The following MCC variants were observed in gnomAD, a reference collection of about 807,000 sequenced individuals.
MCC encodes MCC regulator of Wnt signaling pathway.
MCC carries 90 observed loss-of-function variants against 116.2 expected under a neutral mutation model. The ratio of observed to expected loss-of-function variants is 0.77; its 90% CI spans 0.65 to 0.92. The LOEUF is 0.92. Among genes scored for constraint, MCC ranks in the 40% least tolerant of loss-of-function variants. MCC has a pLI of 0.00. For synonymous variants in MCC, 578 were observed against 510.5 expected (o/e 1.13, Z -1.78); for missense variants, 1,516 against 1,312.2 (o/e 1.16, Z -2.40).
At chr5:113,134,529 C>G (rs1758672460) in intron 5 of MCC, among the ~76,000 whole-genome samples, 1 of 114,112 alleles carries the variant, frequency 8.8e-6, no homozygotes, top group Non-Finnish European at 1.9e-5. Context: ...GTTCTTTTTG[C>G]TCAGGATTGG....
At chr5:113,257,013 G>C (rs10519344) in intron 3 of MCC, among the ~76,000 whole-genome samples, 11,554 of 152,130 alleles carry the variant, frequency 0.076, 976 homozygotes, top group African/African-American at 0.21. Flanking sequence ...TTACTAATCA[G>C]TTATCACCCT....
intron 3 of MCC, among the ~76,000 whole-genome samples, chr5:113,285,815 T>C (rs1467967002): frequency 1.3e-5 from 2 of 152,242 alleles, no homozygotes; most frequent in African/African-American, 4.8e-5. Context: ...ATCAGTTTTG[T>C]TTGTTGCTGT....
chr5:113,119,983 T>G (rs931361583), intron 6 of MCC, among the ~76,000 whole-genome samples: 1 of 152,238 alleles, frequency 6.6e-6, no homozygotes, highest in Non-Finnish European at 1.5e-5. Flanking sequence ...AAGACATCCA[T>G]GTAAATGTGT....
intron 3 of MCC, among the ~76,000 whole-genome samples, chr5:113,256,412 G>A (rs1554071440): frequency 6.6e-6 from 1 of 152,224 alleles, no homozygotes; most frequent in Non-Finnish European, 1.5e-5. Context: ...GCAGGCATAA[G>A]TAGAGGGTTC....
chr5:113,441,206 G>A (rs1239947297), intron 1 of MCC, among the ~76,000 whole-genome samples: 3 of 152,008 alleles, frequency 2.0e-5, no homozygotes, highest in Admixed American at 6.6e-5. Flanking sequence ...TTGGTGGCGG[G>A]TGCCTGTAAT....
intron 1 of MCC, among the ~76,000 whole-genome samples, chr5:113,445,964 A>C (rs1355150045): frequency 6.6e-6 from 1 of 152,232 alleles, no homozygotes; most frequent in African/African-American, 2.4e-5. Context: ...CAGTCGTCTA[A>C]TTTTTGACAA....
In MCC at chr5:113,469,489, G is replaced by A. The variant is rs551786400; in HGVS notation, c.170+18756C>T. Among the ~76,000 whole-genome samples, 84 of 152,202 alleles carry A rather than the reference G, an allele frequency of 5.5e-4. 1 individual carries two copies. In the East Asian group the frequency reaches 0.011, roughly 21 times the overall value. On this transcript the variant is annotated intron_variant, in intron 1 of 18. Transcript: ENST00000408903. ...TTGTTCAGTTTCCATGTAGTTGTGCGGTTTTGAGTGAGTTTCTCAATCCTG... is the reference window on the plus strand; with the variant it reads ...TTGTTCAGTTTCCATGTAGTTGTGCAGTTTTGAGTGAGTTTCTCAATCCTG...
At chr5:113,464,093 C>T (rs1490716916) in intron 1 of MCC, among the ~76,000 whole-genome samples, 2 of 128,526 alleles carry the variant, frequency 1.6e-5, no homozygotes, top group African/African-American at 5.8e-5. Context: ...GACAAGGTCA[C>T]TAGTGACCTT....
At chr5:113,043,929 A>C (rs1013504375) in intron 16 of MCC, among the ~76,000 whole-genome samples, 1 of 152,230 alleles carries the variant, frequency 6.6e-6, no homozygotes, top group African/African-American at 2.4e-5. Flanking sequence ...TCAATCATTT[A>C]ATCTCCACAA....
chr5:113,226,544 C>T (rs1763750178), intron 3 of MCC, among the ~76,000 whole-genome samples: 1 of 152,146 alleles, frequency 6.6e-6, no homozygotes, highest in Non-Finnish European at 1.5e-5. Context: ...TGTTTAAATG[C>T]CACAACATCT....
At chr5:113,449,728 T>C (rs79171725) in intron 1 of MCC, among the ~76,000 whole-genome samples, 5 of 152,210 alleles carry the variant, frequency 3.3e-5, no homozygotes, top group African/African-American at 1.2e-4. Flanking sequence ...CAGGACAGTC[T>C]ACATGTGGGT....
At chr5:113,190,457 T>A (rs905315803) in intron 3 of MCC, among the ~76,000 whole-genome samples, 1 of 152,128 alleles carries the variant, frequency 6.6e-6, no homozygotes, top group Non-Finnish European at 1.5e-5. Flanking sequence ...CTTTAAATGA[T>A]GCACACCAAA....
chr5:113,257,226 G>A (rs1765041969), intron 3 of MCC, among the ~76,000 whole-genome samples: 1 of 152,092 alleles, frequency 6.6e-6, no homozygotes, highest in African/African-American at 2.4e-5. Flanking sequence ...GGTCATCCTG[G>A]CCCAGTCTGG....
intron 2 of MCC, among the ~76,000 whole-genome samples, chr5:113,362,345 A>T (rs1561538181): frequency 6.6e-6 from 1 of 152,124 alleles, no homozygotes; most frequent in Non-Finnish European, 1.5e-5. Flanking sequence ...TACTTTACTT[A>T]TAAATTTGTC....
intron 1 of MCC, among the ~76,000 whole-genome samples, chr5:113,431,480 T>G (rs1770642017): frequency 6.6e-6 from 1 of 152,126 alleles, no homozygotes; most frequent in Admixed American, 6.5e-5. Flanking sequence ...TAATTACATC[T>G]GCAATGACTC....
chr5:113,256,982 T>G (rs1016825845), intron 3 of MCC, among the ~76,000 whole-genome samples: 1 of 152,176 alleles, frequency 6.6e-6, no homozygotes, highest in African/African-American at 2.4e-5. Flanking sequence ...AGGAAAAGAA[T>G]CTGGCAGGAG....
intron 8 of MCC, 74 bp downstream of exon 8, chr5:113,101,665 C>G (rs1469145379): frequency 8.1e-6 from 12 of 1,485,546 alleles, no homozygotes; most frequent in Non-Finnish European, 1.1e-5. Context: ...CACGGTGCCC[C>G]TGGTGCTATA....
At chr5:113,096,858 C>A (rs6873623) in intron 8 of MCC, among the ~76,000 whole-genome samples, 67,941 of 151,886 alleles carry the variant, frequency 0.45, 16,489 homozygotes, top group African/African-American at 0.65. Flanking sequence ...GACTAATATA[C>A]CAGCCATACA....
chr5:113,144,777 T>C (rs954639591), intron 4 of MCC, among the ~76,000 whole-genome samples: 1 of 152,248 alleles, frequency 6.6e-6, no homozygotes, highest in East Asian at 1.9e-4. Context: ...AACAAGGTTG[T>C]TGAATGCTTT....
Sources: allele counts gnomAD v4.1 joint callset (sites outside exome capture counted in the v4.1 genomes callset), GRCh38; gene constraint gnomAD v4.1.1; transcripts MANE v1.5; gene names NCBI Gene and HGNC (gene_info 2026-07-23, HGNC 2026-07-21).